Variants in C2orf66 observed in about 807,000 individuals in gnomAD.
C2orf66 encodes the protein chromosome 2 open reading frame 66.
C2orf66 carries 6 observed loss-of-function variants against 7.0 expected under a neutral mutation model. That is an observed-to-expected ratio of 0.86 (90% CI 0.47 to 1.69). The LOEUF (loss-of-function observed/expected upper bound fraction) is 1.69. Among genes scored for constraint, C2orf66 ranks in the 40% most tolerant of loss-of-function variants. The pLI is 0.01. For synonymous variants in C2orf66, 38 were observed against 43.8 expected, an observed-to-expected ratio of 0.87 and a Z score of 0.52; for missense variants, 107 against 112.0, an observed-to-expected ratio of 0.96 and a Z score of 0.20.
At chr2:196,817,720 G>T in the C2orf66 span, among the ~76,000 whole-genome samples, 1 of 152,074 alleles carries the variant, frequency 6.6e-6, no homozygotes, top group Non-Finnish European at 1.5e-5. Context: ...TCCCAGAGCG[G>T]CCATTTATAG....
At chr2:196,830,564 A>G in the C2orf66 span, among the ~76,000 whole-genome samples, 2 of 152,160 alleles carry the variant, frequency 1.3e-5, no homozygotes, top group African/African-American at 2.4e-5. Context: ...TTGCTTCTTG[A>G]AATTCCTAAC....
chr2:196,821,639 A>T, the C2orf66 span, among the ~76,000 whole-genome samples: 25 of 152,214 alleles, frequency 1.6e-4, 1 homozygote, highest in Admixed American at 1.6e-3. Context: ...GCCACATCAG[A>T]ATATTAAACT....
At chr2:196,820,133 C>A in the C2orf66 span, among the ~76,000 whole-genome samples, 1 of 152,166 alleles carries the variant, frequency 6.6e-6, no homozygotes, top group Non-Finnish European at 1.5e-5. Context: ...TATGGTAGTC[C>A]TCAAATCACA....
chr2:196,819,661 T>C, the C2orf66 span, among the ~76,000 whole-genome samples: 2 of 152,206 alleles, frequency 1.3e-5, no homozygotes, highest in African/African-American at 2.4e-5. Flanking sequence ...GTCTTTTTTA[T>C]CATTGATTCT....
At chr2:196,823,018 T>TA in the C2orf66 span, among the ~76,000 whole-genome samples, 5,137 of 137,794 alleles carry the variant, frequency 0.037, 234 homozygotes, top group African/African-American at 0.11. Context: ...AACTTCTTGT[T>TA]AAAAAAAAAA....
chr2:196,807,697 A>G (rs545003866), intron 1 of C2orf66, 75 bp from the exon 2 acceptor site: 20 of 1,233,172 alleles, frequency 1.6e-5, no homozygotes, highest in South Asian at 5.3e-5. Context: ...TCTTCCCTCT[A>G]TTTTTCCCCT....
the C2orf66 span, among the ~76,000 whole-genome samples, chr2:196,829,603 A>C: frequency 2.0e-4 from 30 of 151,882 alleles, no homozygotes; most frequent in Non-Finnish European, 3.2e-4. Context: ...ACAAAAAAAA[A>C]CAAAAAAACA....
intron 1 of C2orf66, among the ~76,000 whole-genome samples, chr2:196,808,242 T>C (rs1418911242): frequency 6.6e-6 from 1 of 152,244 alleles, no homozygotes; most frequent in Non-Finnish European, 1.5e-5. Flanking sequence ...TGACAACATA[T>C]GGGCTCTTAT....
At chr2:196,812,224 C>T (rs1463565479), upstream of C2orf66, among the ~76,000 whole-genome samples, 1 of 152,054 alleles carries the variant, frequency 6.6e-6, no homozygotes, top group Non-Finnish European at 1.5e-5. Flanking sequence ...AACCCCAGGA[C>T]TTTAAAGTAT....
chr2:196,814,137 G>A (rs796414932), upstream of C2orf66, among the ~76,000 whole-genome samples: 1 of 152,128 alleles, frequency 6.6e-6, no homozygotes, highest in Middle Eastern at 3.2e-3. Flanking sequence ...GTCTATTGCA[G>A]CACTATTCAC....
chr2:196,815,086 T>C, the C2orf66 span, among the ~76,000 whole-genome samples: 1 of 151,978 alleles, frequency 6.6e-6, no homozygotes, highest in African/African-American at 2.4e-5. Flanking sequence ...CACCCTAGCC[T>C]CCCGAGTAGC....
At chr2:196,821,004 G>A in the C2orf66 span, among the ~76,000 whole-genome samples, 7 of 152,200 alleles carry the variant, frequency 4.6e-5, no homozygotes, top group African/African-American at 1.7e-4. Context: ...TGCCCTCAAA[G>A]CAATCAATTT....
intron 1 of C2orf66, among the ~76,000 whole-genome samples, chr2:196,807,996 C>G (rs1331153425): frequency 2.0e-5 from 3 of 152,290 alleles, no homozygotes; most frequent in African/African-American, 7.2e-5. Flanking sequence ...TCTGTTGTTG[C>G]CTTCTGCAAT....
chr2:196,830,222 TGAGA>T, the C2orf66 span, among the ~76,000 whole-genome samples: 1 of 152,226 alleles, frequency 6.6e-6, no homozygotes, highest in Admixed American at 6.5e-5. Context: ...CAAACTTGAT[TGAGA>T]ATTACTTTTG....
chr2:196,807,898 T>C (rs1051386920), intron 1 of C2orf66, among the ~76,000 whole-genome samples: 2 of 152,216 alleles, frequency 1.3e-5, no homozygotes, highest in Admixed American at 1.3e-4. Flanking sequence ...AAAGATTCAT[T>C]GTGAACTATC....
intron 2 of C2orf66, 140 bp downstream of exon 2, chr2:196,807,284 T>C (rs1404699711): frequency 5.9e-6 from 3 of 508,208 alleles, no homozygotes; most frequent in Non-Finnish European, 1.0e-5. Flanking sequence ...AAATACTTAA[T>C]AGTAATGAGT....
the C2orf66 span, among the ~76,000 whole-genome samples, chr2:196,831,066 C>A: frequency 1.3e-5 from 2 of 152,282 alleles, no homozygotes; most frequent in African/African-American, 2.4e-5. Flanking sequence ...AACAGCAATA[C>A]TCTAAATGTT....
chr2:196,810,131 G>A (rs371974540), upstream of C2orf66: 34 of 152,116 alleles, frequency 2.2e-4, no homozygotes, highest in Non-Finnish European at 4.7e-4. Context: ...TTAGAAATGC[G>A]GCAGCCACTC....
chr2:196,823,920 T>C, the C2orf66 span, among the ~76,000 whole-genome samples: 7 of 152,138 alleles, frequency 4.6e-5, no homozygotes, highest in African/African-American at 1.7e-4. Context: ...TACTTAGATA[T>C]GGAATTCAGG....
Sources: gnomAD v4.1 joint callset for allele counts (sites outside exome capture counted in the v4.1 genomes callset) on GRCh38, gnomAD v4.1.1 for gene constraint, MANE v1.5 for transcripts, NCBI Gene and HGNC (gene_info 2026-07-23, HGNC 2026-07-21) for gene names.